METTL25: variants seen among roughly 807,000 people sequenced by gnomAD.
METTL25 encodes the protein methyltransferase like 25.
A neutral mutation model predicts 71.6 loss-of-function variants in METTL25; 64 were observed. The observed-to-expected ratio is 0.89, with a 90% CI of 0.73 to 1.10. The LOEUF (loss-of-function observed/expected upper bound fraction) is 1.10. Among genes scored for constraint, METTL25 ranks in the 50% least tolerant of loss-of-function variants. METTL25 has a pLI of 0.00. For missense variants in METTL25, 807 were observed against 707.0 expected (o/e 1.14, Z -1.60); for synonymous variants, 287 against 250.3 (o/e 1.15, Z -1.38).
intron 5 of METTL25, among the ~76,000 whole-genome samples, chr12:82,422,189 C>T (rs1888576354): frequency 6.6e-6 from 1 of 152,138 alleles, no homozygotes; most frequent in Non-Finnish European, 1.5e-5. Context: ...CATCAAAAAG[C>T]TTATCCACCA....
At chr12:82,424,787 A>C (rs1888863467) in intron 5 of METTL25, among the ~76,000 whole-genome samples, 1 of 152,134 alleles carries the variant, frequency 6.6e-6, no homozygotes, top group East Asian at 1.9e-4. Context: ...TTGATATCCT[A>C]GGAGAGTGCA....
intron 8 of METTL25, among the ~76,000 whole-genome samples, chr12:82,444,221 T>A (rs1367023609): frequency 6.6e-6 from 1 of 152,108 alleles, no homozygotes; most frequent in Non-Finnish European, 1.5e-5. Context: ...AACAAACTTC[T>A]CAGTGGAAAA....
At chr12:82,388,859 T>C (rs951395760) in intron 2 of METTL25, 3 of 152,062 alleles carry the variant, frequency 2.0e-5, no homozygotes, top group African/African-American at 7.2e-5. Context: ...ATGGAGACCA[T>C]GTCCTAAAGT....
chr12:82,385,812 C>T (rs960344248), intron 1 of METTL25, among the ~76,000 whole-genome samples: 6 of 152,102 alleles, frequency 3.9e-5, no homozygotes, highest in African/African-American at 1.4e-4. Flanking sequence ...GCTGTAGTCA[C>T]TAAAGGATTC....
At chr12:82,393,514 C>A (rs1376288698) in intron 3 of METTL25, among the ~76,000 whole-genome samples, 1 of 151,980 alleles carries the variant, frequency 6.6e-6, no homozygotes, top group East Asian at 1.9e-4. Context: ...CAGTTCTAAT[C>A]GTTTTTTGAT....
At chr12:82,408,420 A>G (rs1307144396) in intron 5 of METTL25, among the ~76,000 whole-genome samples, 1 of 152,036 alleles carries the variant, frequency 6.6e-6, no homozygotes, top group Non-Finnish European at 1.5e-5. Context: ...TGGGGAAAAA[A>G]ACACAGATGC....
rs564295121 is a variant in METTL25, at chr12:82,452,703, T to G, written c.1479-4024T>G. 2.0e-5 allele frequency among the ~76,000 whole-genome samples: 3 copies of G among 152,324 alleles called. No homozygotes were observed. The South Asian group carries it at 6.2e-4, about 32-fold the overall frequency. On this transcript the variant is annotated intron_variant, in intron 8 of 11. Coordinates refer to ENST00000248306, the MANE Select transcript of METTL25 (RefSeq NM_032230.3). Reference sequence around the variant, plus strand: ...AAGCCTTCTAGAAATTGGTCTCATATCATGCAAAAGTAACCTTTAACTTTC... The same window carrying G: ...AAGCCTTCTAGAAATTGGTCTCATAGCATGCAAAAGTAACCTTTAACTTTC...
chr12:82,453,838 A>G (rs1891307387), intron 8 of METTL25, among the ~76,000 whole-genome samples: 1 of 152,028 alleles, frequency 6.6e-6, no homozygotes, highest in Non-Finnish European at 1.5e-5. Context: ...TAATTCATTT[A>G]TGGAGTTCCT....
intron 9 of METTL25, among the ~76,000 whole-genome samples, chr12:82,472,461 G>T (rs111328627): frequency 0.06 from 9,088 of 152,154 alleles, 331 homozygotes; most frequent in Middle Eastern, 0.12. Flanking sequence ...AGCCAGGCGT[G>T]GTGGCGGGTG....
intron 5 of METTL25, among the ~76,000 whole-genome samples, chr12:82,407,339 C>G (rs1409554767): frequency 6.6e-6 from 1 of 152,026 alleles, no homozygotes; most frequent in African/African-American, 2.4e-5. Context: ...TGCTGTTGTT[C>G]ACTGTAGGTT....
intron 8 of METTL25, among the ~76,000 whole-genome samples, chr12:82,449,668 T>C (rs1404294922): frequency 6.6e-6 from 1 of 152,184 alleles, no homozygotes; most frequent in African/African-American, 2.4e-5. Flanking sequence ...TTCACTGTTC[T>C]TACTGAACCT....
chr12:82,439,495 G>T (rs575587831), intron 8 of METTL25, among the ~76,000 whole-genome samples: 2 of 151,596 alleles, frequency 1.3e-5, no homozygotes, highest in African/African-American at 4.8e-5. Flanking sequence ...CAATTTTCAG[G>T]TTCTCAAAAA....
At chr12:82,440,158 G>A (rs1186641415) in intron 8 of METTL25, among the ~76,000 whole-genome samples, 1 of 151,752 alleles carries the variant, frequency 6.6e-6, no homozygotes, top group Non-Finnish European at 1.5e-5. Context: ...TTTCTTCACA[G>A]TTTCTTATTA....
At chr12:82,415,406 T>G (rs1340739680) in intron 5 of METTL25, among the ~76,000 whole-genome samples, 50 of 152,226 alleles carry the variant, frequency 3.3e-4, no homozygotes, top group Non-Finnish European at 7.4e-5. Context: ...AAAAAAAGGA[T>G]ATTGTAAATC....
chr12:82,423,227 A>G (rs1412587635), intron 5 of METTL25, among the ~76,000 whole-genome samples: 5 of 152,214 alleles, frequency 3.3e-5, no homozygotes, highest in African/African-American at 1.2e-4. Context: ...GAGCCCTCAG[A>G]AATAATACTA....
intron 1 of METTL25, among the ~76,000 whole-genome samples, chr12:82,384,881 A>G (rs991782923): frequency 1.3e-5 from 2 of 152,124 alleles, no homozygotes; most frequent in African/African-American, 4.8e-5. Flanking sequence ...CTCTTATTCT[A>G]TCACACTCTA....
chr12:82,377,669 A>C, intron 1 of METTL25, among the ~76,000 whole-genome samples: 1 of 152,226 alleles, frequency 6.6e-6, no homozygotes, highest in East Asian at 1.9e-4. Context: ...TATTTAAAAT[A>C]ATCTCTAGAA....
At chr12:82,421,187 T>C (rs1888452928) in intron 5 of METTL25, among the ~76,000 whole-genome samples, 1 of 152,076 alleles carries the variant, frequency 6.6e-6, no homozygotes, top group African/African-American at 2.4e-5. Flanking sequence ...TTTTAAAAGA[T>C]CATCATGGTT....
chr12:82,444,334 C>A (rs1178907240), intron 8 of METTL25, among the ~76,000 whole-genome samples: 3 of 152,072 alleles, frequency 2.0e-5, no homozygotes, highest in African/African-American at 7.2e-5. Context: ...AAGGGAGATA[C>A]TCTCCCAGAT....
Sources: gnomAD v4.1 joint callset for allele counts (sites outside exome capture counted in the v4.1 genomes callset) on GRCh38, gnomAD v4.1.1 for gene constraint, MANE v1.5 for transcripts, NCBI Gene and HGNC (gene_info 2026-07-23, HGNC 2026-07-21) for gene names.